The following ABCB11 variants were observed in gnomAD, a reference collection of about 807,000 sequenced individuals.
ABCB11 encodes the protein ATP binding cassette subfamily B member 11, also known as bile salt export pump.
Under a neutral mutation model 148.0 loss-of-function variants are expected in ABCB11, and 95 were observed. The observed-to-expected ratio is 0.64, with a 90% CI of 0.54 to 0.76. The LOEUF is 0.76. Ranked by LOEUF, ABCB11 falls within the 30% of genes least tolerant of loss-of-function variation. The pLI is 0.00. For missense variants in ABCB11, 1,523 were observed against 1,617.8 expected (o/e 0.94, Z 1.01); for synonymous variants, 591 against 555.4 (o/e 1.06, Z -0.90).
intron 10 of ABCB11, among the ~76,000 whole-genome samples, chr2:168,981,761 G>T (rs974997596): frequency 5.3e-5 from 8 of 152,124 alleles, no homozygotes; most frequent in East Asian, 1.9e-4. Context: ...AATATTTTAG[G>T]CTTTTCAGGC....
intron 1 of ABCB11, among the ~76,000 whole-genome samples, chr2:169,028,848 T>G (rs1403596532): frequency 6.6e-6 from 1 of 152,168 alleles, no homozygotes; most frequent in Admixed American, 6.5e-5. Flanking sequence ...GGGTTTTGCA[T>G]TTTCTCTGCA....
In ABCB11 at chr2:168,944,936, T is replaced by C. The variant is rs1171867548; in HGVS notation, c.2369A>G (p.Glu790Gly). 6.4e-7 allele frequency: 1 copy of C among 1,561,410 alleles called. No individual in the cohort carries two copies. The highest frequency in any genetic ancestry group is 2.4e-5 in the East Asian group (1 of 42,222). ...CACACCATTGATCTGTGACCTTTGT[T>C]CCTCTTTATCAGGAATTGAAAAAGT... ...LGTFSIPDKE[E>G]QRSQINGVCL... The change falls in exon 20 of 28, where the codon GAA becomes GGA. Residue 790 changes from glutamate (E) to glycine (G), a missense_variant. Coordinates refer to ENST00000650372, the MANE Select transcript of ABCB11 (RefSeq NM_003742.4).
At position 168,970,279 on chromosome 2, in the gene ABCB11, C is replaced by A. The variant is rs556542386; in HGVS notation, c.1639-64G>T. 9 of 1,563,194 alleles carry A rather than the reference C, an allele frequency of 5.8e-6. No homozygotes were observed. In the African/African-American group the frequency reaches 1.2e-4, roughly 21 times the overall value. ...TTTGATGGCTTCTGACAGTGATCCA[C>A]TATAATGTCCTTTCTGTCATAGTTT... On this transcript the variant is annotated intron_variant, in intron 14 of 27. Coordinates refer to ENST00000650372, the MANE Select transcript of ABCB11 (RefSeq NM_003742.4).
chr2:168,935,522 A>G, intron 22 of ABCB11, 97 bp from the exon 23 acceptor site: 1 of 1,447,630 alleles, frequency 6.9e-7, no homozygotes, highest in South Asian at 1.4e-5. Flanking sequence ...CAAATGGCAG[A>G]ATGTGGTACA....
chr2:168,969,546 C>A lies in ABCB11; in HGVS notation c.1815G>T (p.Gln605His). 1.2e-6 allele frequency: 2 copies of A among 1,611,972 alleles called. No individual in the cohort carries two copies. The highest frequency in any genetic ancestry group is 1.7e-6 in the Non-Finnish European group (2 of 1,178,818). The part of the protein sequence containing the change: ...AMVQEVLSKI[Q>H]HGHTIISVAH... ...CAACTGAAATGATTGTGTGCCCATG[C>A]TGAATCTGTAAGAATGTACAGTGCA... The change falls in exon 16 of 28, where the codon CAG becomes CAT. Residue 605 changes from glutamine to histidine, a missense_variant. Transcript: ENST00000650372.
At chr2:168,981,962 G>T (rs1694149583) in intron 10 of ABCB11, among the ~76,000 whole-genome samples, 1 of 152,088 alleles carries the variant, frequency 6.6e-6, no homozygotes, top group African/African-American at 2.4e-5. Flanking sequence ...TGAAGTTTGG[G>T]GTCCAACTCT....
At chr2:169,014,462 C>T (rs1041866915) in intron 3 of ABCB11, 108 bp from the exon 4 acceptor site, 5 of 1,080,300 alleles carry the variant, frequency 4.6e-6, no homozygotes, top group South Asian at 2.9e-5. Context: ...AGAAAATCCC[C>T]ACTGGCTGGA....
At chr2:168,990,248 A>C (rs1472689852) in intron 9 of ABCB11, among the ~76,000 whole-genome samples, 1 of 152,020 alleles carries the variant, frequency 6.6e-6, no homozygotes, top group Non-Finnish European at 1.5e-5. Context: ...CTTTTCTTTC[A>C]TGGGAGACTT....
intron 1 of ABCB11, among the ~76,000 whole-genome samples, chr2:169,020,384 CTA>C (rs1272206469): frequency 1.3e-5 from 2 of 151,710 alleles, no homozygotes; most frequent in South Asian, 2.1e-4. Flanking sequence ...CCAGTAAAAT[CTA>C]TAGTTTCTAA....
chr2:168,974,960 GTAAA>G lies in ABCB11; in HGVS notation c.1309-1124_1309-1121del, dbSNP rs1212003162. Among the ~76,000 whole-genome samples the G allele has an allele frequency of 1.6e-4, 23 of 146,434 alleles. 1 individual carries two copies. Among genetic ancestry groups the G allele is most frequent in the Admixed American group, 1.4e-4 (2 of 14,434 alleles). On this transcript the variant is annotated intron_variant, in intron 12 of 27. Transcript: ENST00000650372. ...TTATATATTTATGTATATAATGAAG[GTAAA>G]TAGAGATATACACTTATATTTGTAC... is the stretch of plus-strand genomic sequence containing the variant.
rs116048889 is a variant in ABCB11 at position 168,930,214 on chromosome 2, C to T, written c.3411+451G>A. Among the ~76,000 whole-genome samples, 662 of 152,260 alleles carry T rather than the reference C, an allele frequency of 4.3e-3. 2 individuals carry two copies. The highest frequency in any genetic ancestry group is 0.014 in the African/African-American group (567 of 41,550). On this transcript the variant is annotated intron_variant, in intron 25 of 27. Coordinates refer to ENST00000650372, the MANE Select transcript of ABCB11 (RefSeq NM_003742.4). Reference sequence around the variant, plus strand: ...CATGGCTCTCAATCTGAGTTCCTTGCGTTATTTAGATTTCAGCTTCTTGAA... The same window carrying T: ...CATGGCTCTCAATCTGAGTTCCTTGTGTTATTTAGATTTCAGCTTCTTGAA...
chr2:169,009,142 C>T (rs1695103898), intron 5 of ABCB11, among the ~76,000 whole-genome samples: 1 of 152,018 alleles, frequency 6.6e-6, no homozygotes, highest in Non-Finnish European at 1.5e-5. Flanking sequence ...AAAGTGATGG[C>T]CGAGGGGCAA....
chr2:169,028,097 C>A (rs1318567894), intron 1 of ABCB11, among the ~76,000 whole-genome samples: 3 of 152,120 alleles, frequency 2.0e-5, no homozygotes, highest in East Asian at 3.9e-4. Flanking sequence ...CTCTCCCATA[C>A]CTAAAATATT....
intron 5 of ABCB11, among the ~76,000 whole-genome samples, chr2:169,001,405 G>A (rs1221493085): frequency 7.9e-5 from 12 of 152,268 alleles, no homozygotes; most frequent in Non-Finnish European, 1.5e-4. Context: ...ATCTGAAAAT[G>A]TCTTGATTTC....
intron 10 of ABCB11, among the ~76,000 whole-genome samples, chr2:168,985,197 A>T (rs1043994763): frequency 6.6e-6 from 1 of 152,326 alleles, no homozygotes. Context: ...CCACAATGTG[A>T]TACCACCTTA....
intron 5 of ABCB11, among the ~76,000 whole-genome samples, chr2:169,008,683 C>A (rs1280731655): frequency 6.6e-6 from 1 of 152,114 alleles, no homozygotes; most frequent in African/African-American, 2.4e-5. Context: ...AACCCTCATA[C>A]ACTGTTAGCA....
intron 4 of ABCB11, 113 bp downstream of exon 4, chr2:169,014,189 GT>G: frequency 1.0e-6 from 1 of 999,282 alleles, no homozygotes; most frequent in East Asian, 2.4e-5. Context: ...GACTGAAAAA[GT>G]GATCACTGAA....
chr2:168,986,245 A>G lies in ABCB11; in HGVS notation c.948T>C (p.Ile316=). The G allele has an allele frequency of 1.2e-6, 2 of 1,613,246 alleles. No individual in the cohort carries two copies. ...AGAATCCCATCACTATTCCTTTTCT[A>G]ATTCCCCAACGCTGGGCGAACACAA... ...KNLVFAQRWG[I]RKGIVMGFFT... The change falls in exon 10 of 28, where the codon ATT becomes ATC. Residue 316 remains isoleucine (I), a synonymous_variant. Coordinates refer to ENST00000650372, the MANE Select transcript of ABCB11 (RefSeq NM_003742.4).
chr2:168,959,730 C>T (rs1692970856), intron 18 of ABCB11, among the ~76,000 whole-genome samples: 1 of 151,520 alleles, frequency 6.6e-6, no homozygotes, highest in African/African-American at 2.4e-5. Context: ...AGTCAGGCTC[C>T]TCAAGCCCAG....
Sources: gnomAD v4.1 joint callset for allele counts (sites outside exome capture counted in the v4.1 genomes callset) on GRCh38, gnomAD v4.1.1 for gene constraint, MANE v1.5 for transcripts, NCBI Gene and HGNC (gene_info 2026-07-23, HGNC 2026-07-21) for gene names.